Variants in MXRA7 observed in about 807,000 individuals in gnomAD.
MXRA7 encodes matrix-remodeling-associated protein 7.
In MXRA7, 18 loss-of-function variants were observed where a neutral mutation model predicts 17.4. The ratio of observed to expected loss-of-function variants is 1.03; its 90% CI spans 0.71 to 1.53. MXRA7 has a LOEUF of 1.53. Ranked by LOEUF, MXRA7 falls within the 40% of genes most tolerant of loss-of-function variation. MXRA7 has a pLI of 0.00. For synonymous variants in MXRA7, 70 were observed against 101.7 expected (o/e 0.69, Z 1.87); for missense variants, 141 against 209.3 (o/e 0.67, Z 2.01).
Position 76,681,848 on chromosome 17 carries a change from C to T in MXRA7, c.501-969G>A, listed in dbSNP as rs1269169983. On this transcript the variant is annotated intron_variant, in intron 3 of 3. Transcript: ENST00000449428. The surrounding 1 kb of genome is among the most constrained non-coding windows in gnomAD (Gnocchi z 4.7). ...GGAGGAGGCCTCTTGCTCAGGGGAG[C>T]TGTCACCAGCCTGCAAGCCCACTGT... Among the ~76,000 whole-genome samples the T allele has an allele frequency of 6.6e-6, 1 of 152,176 alleles. No homozygotes were observed. Among genetic ancestry groups the T allele is most frequent in the African/African-American group, 2.4e-5 (1 of 41,430 alleles).
In MXRA7 at chr17:76,706,294, C is replaced by T. The variant is rs1401411688; in HGVS notation, c.342+4311G>A. Among the ~76,000 whole-genome samples, 2 of 116,310 alleles carry T rather than the reference C, an allele frequency of 1.7e-5. 1 individual carries two copies. Among genetic ancestry groups the T allele is most frequent in the Admixed American group, 1.8e-4 (2 of 11,298 alleles). 76.3% of individuals were successfully genotyped at this position (116,310 alleles called of 152,430 possible). On this transcript the variant is annotated intron_variant, in intron 1 of 3. Coordinates refer to ENST00000449428, the MANE Select transcript of MXRA7 (RefSeq NM_198530.4). The stretch of plus-strand genomic sequence containing the variant: ...GCTGCCGTCACAGAGGCCCACGCTG[C>T]CGTCACAGAGGCCCACGCTGCCATC...
chr17:76,691,181 C>T (rs1411801085), intron 1 of MXRA7, among the ~76,000 whole-genome samples: 3 of 152,158 alleles, frequency 2.0e-5, no homozygotes, highest in South Asian at 2.1e-4. Flanking sequence ...ATGAGGCCTC[C>T]GTCAACATCC....
rs2076272562 is a variant in MXRA7, at chr17:76,679,631, T to A, written c.*1236A>T. 2.0e-5 allele frequency: 19 copies of A among 963,284 alleles called. No individual in the cohort carries two copies. Among genetic ancestry groups the A allele is most frequent in the Non-Finnish European group, 2.3e-5 (19 of 809,898 alleles). The allele number at this position is 963,284 out of a possible 1,614,324, so 59.7% of individuals were successfully genotyped here. ...AGGCTGAATACAGAGATCCAAGCCATGAGGAGTACATGAGGTGTGGTGCCT... is the reference window on the plus strand; with the variant it reads ...AGGCTGAATACAGAGATCCAAGCCAAGAGGAGTACATGAGGTGTGGTGCCT... On this transcript the variant is annotated 3_prime_UTR_variant, in exon 4 of 4. Coordinates refer to ENST00000449428, the MANE Select transcript of MXRA7 (RefSeq NM_198530.4).
Position 76,696,720 on chromosome 17 carries a change from C to T in MXRA7, c.343-8544G>A, listed in dbSNP as rs79553337. 1.6e-3 allele frequency among the ~76,000 whole-genome samples: 242 copies of T among 152,114 alleles called. 4 individuals carry two copies. The East Asian group carries it at 0.043, about 27-fold the overall frequency. On this transcript the variant is annotated intron_variant, in intron 1 of 3. Coordinates refer to ENST00000449428, the MANE Select transcript of MXRA7 (RefSeq NM_198530.4). ...GGAGAGATGATAAAGGCCCAAACTGCGATGCTAAAGGCACCTGGCCTTCAG... is the reference window on the plus strand; with the variant it reads ...GGAGAGATGATAAAGGCCCAAACTGTGATGCTAAAGGCACCTGGCCTTCAG...
intron 3 of MXRA7, 70 bp downstream of exon 3, chr17:76,685,002 T>C: frequency 2.3e-6 from 3 of 1,311,712 alleles, no homozygotes; most frequent in Non-Finnish European, 3.3e-6. Context: ...GGCAGGAACA[T>C]GAAGGGCTCA....
At chr17:76,686,124 C>T (rs941630914) in intron 2 of MXRA7, among the ~76,000 whole-genome samples, 5 of 152,110 alleles carry the variant, frequency 3.3e-5, no homozygotes, top group Admixed American at 2.0e-4. Flanking sequence ...TGATGTGGAC[C>T]GATGGGGAGG....
chr17:76,700,709 A>G (rs964743010), intron 1 of MXRA7, among the ~76,000 whole-genome samples: 4 of 152,242 alleles, frequency 2.6e-5, no homozygotes, highest in Non-Finnish European at 5.9e-5. Context: ...TCTCCGGAAC[A>G]GGCGTTCCAC....
At chr17:76,692,543 G>A (rs1193818229) in intron 1 of MXRA7, among the ~76,000 whole-genome samples, 3 of 151,652 alleles carry the variant, frequency 2.0e-5, no homozygotes, top group Non-Finnish European at 4.4e-5. Context: ...GTGGGCCACC[G>A]CGCCCGGCCT....
At chr17:76,700,828 C>T (rs1046446052) in intron 1 of MXRA7, among the ~76,000 whole-genome samples, 2 of 152,098 alleles carry the variant, frequency 1.3e-5, no homozygotes, top group East Asian at 1.9e-4. Flanking sequence ...AGTGGGCGGG[C>T]GGCAGGCGGG....
At chr17:76,690,337 C>G (rs1356761509) in intron 1 of MXRA7, 1 of 151,962 alleles carries the variant, frequency 6.6e-6, no homozygotes, top group Non-Finnish European at 1.5e-5. Context: ...TTTTTAAATG[C>G]TAATGGTGTC....
intron 2 of MXRA7, among the ~76,000 whole-genome samples, chr17:76,686,694 G>A (rs1419310062): frequency 6.6e-6 from 1 of 152,198 alleles, no homozygotes; most frequent in African/African-American, 2.4e-5. Context: ...AGGGACGGGG[G>A]AGGTTTCTTC....
intron 1 of MXRA7, among the ~76,000 whole-genome samples, chr17:76,708,154 T>C (rs541317997): frequency 1.7e-3 from 258 of 152,314 alleles, no homozygotes; most frequent in African/African-American, 5.8e-3. Context: ...TCCTGAGCGA[T>C]CCCCAATAGC....
At chr17:76,692,453 A>C (rs931480900) in intron 1 of MXRA7, among the ~76,000 whole-genome samples, 1 of 151,778 alleles carries the variant, frequency 6.6e-6, no homozygotes, top group Non-Finnish European at 1.5e-5. Context: ...GGGTTTCTCC[A>C]TGTTGGTCAG....
At chr17:76,704,861 T>A (rs2076639094) in intron 1 of MXRA7, among the ~76,000 whole-genome samples, 1 of 149,926 alleles carries the variant, frequency 6.7e-6, no homozygotes, top group Non-Finnish European at 1.5e-5. Flanking sequence ...GAACCTGACC[T>A]CCTCATCCTG....
At chr17:76,675,767 G>C (rs2076235776), downstream of MXRA7, 1 of 101,514 alleles carries the variant, frequency 9.9e-6, no homozygotes, top group South Asian at 4.4e-4. Flanking sequence ...AACAGACACA[G>C]AGAGTGAATG....
chr17:76,702,445 C>T (rs192239085), intron 1 of MXRA7, among the ~76,000 whole-genome samples: 1 of 152,222 alleles, frequency 6.6e-6, no homozygotes, highest in African/African-American at 2.4e-5. Context: ...GAGGTCAAGG[C>T]TGCAGTGAGC....
At chr17:76,686,276 C>T (rs982951402) in intron 2 of MXRA7, among the ~76,000 whole-genome samples, 8 of 152,120 alleles carry the variant, frequency 5.3e-5, no homozygotes, top group Non-Finnish European at 1.2e-4. Context: ...GCCAGGAGTT[C>T]GAGACCAACC....
At chr17:76,683,985 A>G in intron 3 of MXRA7, 1 of 1,336,120 alleles carries the variant, frequency 7.5e-7, no homozygotes, top group Non-Finnish European at 1.1e-6. Flanking sequence ...TCAGCACCTG[A>G]GGACTCGGGG....
intron 1 of MXRA7, among the ~76,000 whole-genome samples, chr17:76,703,146 C>T (rs2143675295): frequency 1.3e-5 from 2 of 151,998 alleles, no homozygotes; most frequent in Middle Eastern, 6.8e-3. Context: ...TCTGAGTCCT[C>T]AGCAAATAAG....
Sources: allele counts gnomAD v4.1 joint callset (sites outside exome capture counted in the v4.1 genomes callset), GRCh38; gene constraint gnomAD v4.1.1; non-coding constraint Gnocchi (gnomAD v3.1); transcripts MANE v1.5; gene names NCBI Gene and HGNC (gene_info 2026-07-23, HGNC 2026-07-21).